FMN2: variants seen among roughly 807,000 people sequenced by gnomAD.
FMN2 encodes the protein formin-2.
In FMN2, 51 loss-of-function variants were observed where a neutral mutation model predicts 142.3. That is an observed-to-expected ratio of 0.36 (90% CI 0.29 to 0.45). The LOEUF (loss-of-function observed/expected upper bound fraction) is 0.45, where lower values mean the gene tolerates loss of function less well. Ranked by LOEUF, FMN2 falls within the 20% of genes least tolerant of loss-of-function variation. The pLI, the probability that FMN2 is intolerant of heterozygous loss-of-function variation, is 1.00. For synonymous variants in FMN2, 882 were observed against 869.8 expected, an observed-to-expected ratio of 1.01 and a Z score of -0.25; for missense variants, 1,936 against 2,122.8, an observed-to-expected ratio of 0.91 and a Z score of 1.73.
chr1:240,323,320 G>A (rs976401964), intron 8 of FMN2, among the ~76,000 whole-genome samples: 7 of 151,862 alleles, frequency 4.6e-5, no homozygotes, highest in East Asian at 1.9e-4. Context: ...TCAGACTCCC[G>A]AGTAGCTGGG....
rs921935884 is a variant in FMN2 at position 240,211,228 on chromosome 1, C to T, written c.4058C>T (p.Ala1353Val). Reference sequence around the variant, plus strand: ...TCTGATACTATCTCAAAGACGAAGGCTAAACAAGTGAGTATTTTTGTGCTT... The same window carrying T: ...TCTGATACTATCTCAAAGACGAAGGTTAAACAAGTGAGTATTTTTGTGCTT... ...PISDTISKTK[A>V]KQVVKLLSNK... Residue 1353 changes from alanine to valine, a missense_variant, in exon 6 of 18, where the codon GCT becomes GTT. Transcript: ENST00000319653. The T allele has an allele frequency of 1.9e-6, 3 of 1,611,180 alleles. No homozygotes were observed. Among genetic ancestry groups the T allele is most frequent in the Non-Finnish European group, 2.5e-6 (3 of 1,179,338 alleles).
intron 13 of FMN2, among the ~76,000 whole-genome samples, chr1:240,349,352 T>G (rs12404762): frequency 6.6e-6 from 1 of 152,116 alleles, no homozygotes. Flanking sequence ...GTATCTGTTA[T>G]GTGACTTCCT....
chr1:240,096,426 T>C (rs1046928988), intron 1 of FMN2, among the ~76,000 whole-genome samples: 2 of 152,212 alleles, frequency 1.3e-5, no homozygotes, highest in East Asian at 1.9e-4. Flanking sequence ...ACTGTTCTTA[T>C]GGTGGTCAAA....
At chr1:240,309,130 A>G (rs1670511587) in intron 8 of FMN2, among the ~76,000 whole-genome samples, 1 of 152,194 alleles carries the variant, frequency 6.6e-6, no homozygotes, top group Non-Finnish European at 1.5e-5. Context: ...TTAACCTATG[A>G]TGGAAGAGTA....
At chr1:240,459,128 A>G (rs78666430) in intron 16 of FMN2, 2 of 152,228 alleles carry the variant, frequency 1.3e-5, no homozygotes, top group East Asian at 1.9e-4. Context: ...AGACTTAAGC[A>G]TATCATCTGA....
At chr1:240,360,526 T>G (rs1672426233) in intron 14 of FMN2, among the ~76,000 whole-genome samples, 1 of 152,228 alleles carries the variant, frequency 6.6e-6, no homozygotes, top group Non-Finnish European at 1.5e-5. Flanking sequence ...GCTTGATTCC[T>G]TCAACAGCAC....
chr1:240,294,212 T>A (rs947492727), intron 7 of FMN2, among the ~76,000 whole-genome samples: 1 of 152,346 alleles, frequency 6.6e-6, no homozygotes, highest in African/African-American at 2.4e-5. Context: ...AAAATATTGC[T>A]GATTTTTCTA....
At chr1:240,234,991 G>T (rs920364271) in intron 6 of FMN2, among the ~76,000 whole-genome samples, 2 of 152,152 alleles carry the variant, frequency 1.3e-5, no homozygotes, top group African/African-American at 4.8e-5. Context: ...TGTATTCCAT[G>T]TTGAGCTACA....
At chr1:240,450,635 G>A (rs10802872) in intron 16 of FMN2, among the ~76,000 whole-genome samples, 107,192 of 152,184 alleles carry the variant, frequency 0.7, 38,000 homozygotes, top group East Asian at 0.88. Context: ...GCTGGCACCC[G>A]AGCGTCACAT....
chr1:240,345,964 C>T (rs2103034253), intron 13 of FMN2, among the ~76,000 whole-genome samples: 1 of 152,304 alleles, frequency 6.6e-6, no homozygotes, highest in Middle Eastern at 3.4e-3. Context: ...ATGGTATCTT[C>T]TTTCAAAGGA....
In FMN2 at chr1:240,228,336, AAAGAAAAAGAAAAAGAAAG is replaced by A. The variant is rs1558380555; in HGVS notation, c.4065+17104_4065+17122del. On this transcript the variant is annotated intron_variant, in intron 6 of 17. Coordinates refer to ENST00000319653, the MANE Select transcript of FMN2 (RefSeq NM_020066.5). ...AAAAAAAAAAAAAAAAAAAAAAGAAAAAGAAAAAGAAAAAGAAAGAAAAAAAATGGGCAAAAGGTTTCAG... is the reference window on the plus strand; with the variant it reads ...AAAAAAAAAAAAAAAAAAAAAAGAAAAAAAAAAATGGGCAAAAGGTTTCAG... Among the ~76,000 whole-genome samples the A allele has an allele frequency of 7.8e-3, 634 of 81,090 alleles. 30 individuals are homozygous for A. The highest frequency in any genetic ancestry group is 0.042 in the African/African-American group (587 of 14,030). The allele number at this position is 81,090 out of a possible 152,430, so 53.2% of individuals were successfully genotyped here.
chr1:240,427,245 T>A (rs754376111), intron 15 of FMN2, among the ~76,000 whole-genome samples: 32 of 151,372 alleles, frequency 2.1e-4, no homozygotes, highest in Non-Finnish European at 4.1e-4. Flanking sequence ...CTCGCCTGTC[T>A]CCCAGGCTGG....
intron 14 of FMN2, among the ~76,000 whole-genome samples, chr1:240,358,981 C>G (rs956113210): frequency 6.6e-6 from 1 of 151,946 alleles, no homozygotes; most frequent in African/African-American, 2.4e-5. Flanking sequence ...AAAAGTTAGC[C>G]GGGTGTGGTG....
At chr1:240,395,651 T>C (rs1205830383) in intron 15 of FMN2, among the ~76,000 whole-genome samples, 3 of 152,098 alleles carry the variant, frequency 2.0e-5, no homozygotes, top group Admixed American at 6.5e-5. Flanking sequence ...GTGGTAGAAA[T>C]AGAAAGAGAA....
intron 15 of FMN2, among the ~76,000 whole-genome samples, chr1:240,427,567 A>G (rs548599693): frequency 5.6e-4 from 85 of 152,328 alleles, no homozygotes; most frequent in African/African-American, 2.0e-3. Flanking sequence ...GCCAACCATT[A>G]TAAGTAGATG....
chr1:240,232,353 G>A (rs1214920352), intron 6 of FMN2, among the ~76,000 whole-genome samples: 1 of 150,704 alleles, frequency 6.6e-6, no homozygotes, highest in Non-Finnish European at 1.5e-5. Context: ...GCCTCCCAAA[G>A]TGCTGGCATT....
chr1:240,113,557 C>CA (rs34741987), intron 1 of FMN2, among the ~76,000 whole-genome samples: 66,469 of 88,540 alleles, frequency 0.75, 25,417 homozygotes, highest in East Asian at 0.93. Flanking sequence ...GACTCCGTCT[C>CA]AAAAAAAAAA....
intron 14 of FMN2, among the ~76,000 whole-genome samples, chr1:240,366,536 C>T (rs1305356083): frequency 3.5e-5 from 5 of 143,574 alleles, no homozygotes; most frequent in African/African-American, 7.8e-5. Flanking sequence ...CTATTCTATC[C>T]TTTTTTTTTT....
chr1:240,214,099 A>T, intron 6 of FMN2, among the ~76,000 whole-genome samples: 1 of 152,202 alleles, frequency 6.6e-6, no homozygotes, highest in East Asian at 1.9e-4. Context: ...CTCCTTCTTT[A>T]CTTTGAAGCA....
Sources: allele counts gnomAD v4.1 joint callset (sites outside exome capture counted in the v4.1 genomes callset), GRCh38; gene constraint gnomAD v4.1.1; transcripts MANE v1.5; gene names NCBI Gene and HGNC (gene_info 2026-07-23, HGNC 2026-07-21).